The following CACNA2D3 variants were observed in gnomAD, a reference collection of about 807,000 sequenced individuals.
CACNA2D3 encodes voltage-dependent calcium channel subunit alpha-2/delta-3.
In CACNA2D3, 60 loss-of-function variants were observed where a neutral mutation model predicts 160.6. The observed-to-expected ratio is 0.37, with a 90% CI of 0.30 to 0.46. The LOEUF (loss-of-function observed/expected upper bound fraction) is 0.46. CACNA2D3 is among the 20% of genes least tolerant of loss of function. The pLI, the probability that CACNA2D3 is intolerant of heterozygous loss-of-function variation, is 1.00. For synonymous variants in CACNA2D3, 558 were observed against 492.9 expected (o/e 1.13, Z -1.75); for missense variants, 1,205 against 1,365.0 (o/e 0.88, Z 1.85).
At position 54,447,047 on chromosome 3, in the gene CACNA2D3, C is replaced by T. The variant is rs571732992; in HGVS notation, c.382-56445C>T. ...CATAATAGGCACTTTTTTCAGCCAA[C>T]AAAACTGTCCATGTTTTCAAATGTT... On this transcript the variant is annotated intron_variant, in intron 4 of 37. Transcript: ENST00000474759. Among the ~76,000 whole-genome samples the T allele has an allele frequency of 1.6e-4, 25 of 152,278 alleles. 1 individual carries two copies. In the South Asian group the frequency reaches 5.0e-3, roughly 30 times the overall value.
chr3:55,071,038 C>T (rs1189489074), intron 35 of CACNA2D3, among the ~76,000 whole-genome samples: 4 of 152,064 alleles, frequency 2.6e-5, no homozygotes, highest in African/African-American at 9.7e-5. Context: ...ATACTGTGAT[C>T]ATTATGTGAC....
intron 9 of CACNA2D3, among the ~76,000 whole-genome samples, chr3:54,610,314 C>T (rs1698726379): frequency 6.6e-6 from 1 of 152,196 alleles, no homozygotes; most frequent in Admixed American, 6.5e-5. Context: ...GATTGGGATA[C>T]ATGCCTTAAA....
At chr3:54,443,387 G>A (rs900049504) in intron 4 of CACNA2D3, among the ~76,000 whole-genome samples, 7 of 152,154 alleles carry the variant, frequency 4.6e-5, no homozygotes, top group Admixed American at 2.0e-4. Context: ...TTTAGGCAGC[G>A]TCTTAGATTG....
chr3:54,652,477 G>C (rs962171018), intron 11 of CACNA2D3, among the ~76,000 whole-genome samples: 2 of 152,164 alleles, frequency 1.3e-5, no homozygotes, highest in Non-Finnish European at 2.9e-5. Flanking sequence ...CAGAGAATGG[G>C]TAATGGCAGC....
chr3:55,045,471 G>A (rs896244695), intron 35 of CACNA2D3, among the ~76,000 whole-genome samples: 1 of 152,170 alleles, frequency 6.6e-6, no homozygotes, highest in Non-Finnish European at 1.5e-5. Flanking sequence ...TGTCAAATCT[G>A]TACTACTTCT....
intron 13 of CACNA2D3, chr3:54,789,887 A>G (rs761334168): frequency 1.9e-6 from 1 of 516,942 alleles, no homozygotes; most frequent in Non-Finnish European, 3.9e-6. Flanking sequence ...AAGGTGACAC[A>G]GGCTGTTTCA....
Position 54,445,158 on chromosome 3 carries a change from A to T in CACNA2D3, c.382-58334A>T, listed in dbSNP as rs939763117. 2.6e-5 allele frequency among the ~76,000 whole-genome samples: 4 copies of T among 152,330 alleles called. No homozygotes were observed. In the East Asian group the frequency reaches 5.8e-4, roughly 22 times the overall value. ...CTCGGCTCAGGGATATAGGCAGGGG[A>T]TGGGGCTGGGACAACCCCCCTCTAA... is the stretch of plus-strand genomic sequence containing the variant. On this transcript the variant is annotated intron_variant, in intron 4 of 37. Transcript: ENST00000474759.
At chr3:54,294,546 G>A (rs55715726) in intron 2 of CACNA2D3, among the ~76,000 whole-genome samples, 18,639 of 152,180 alleles carry the variant, frequency 0.12, 1,244 homozygotes, top group East Asian at 0.23. Flanking sequence ...CCTTGCCTTT[G>A]TGCATGAAGC....
intron 2 of CACNA2D3, among the ~76,000 whole-genome samples, chr3:54,275,788 TTA>T (rs1454143173): frequency 6.6e-6 from 1 of 151,988 alleles, no homozygotes; most frequent in East Asian, 1.9e-4. Flanking sequence ...TGGCTAATTT[TTA>T]TGTTTTTAGT....
chr3:54,290,748 T>C lies in CACNA2D3; in HGVS notation c.205-29694T>C, dbSNP rs569607762. Among the ~76,000 whole-genome samples the C allele has an allele frequency of 3.8e-3, 584 of 152,174 alleles. 1 individual carries two copies. The highest frequency in any genetic ancestry group is 6.1e-3 in the Non-Finnish European group (416 of 68,018). On this transcript the variant is annotated intron_variant, in intron 2 of 37. Coordinates refer to ENST00000474759, the MANE Select transcript of CACNA2D3 (RefSeq NM_018398.3). ...GCAGCCATAAAAAATGATGAGTTCA[T>C]GTCCTTTGTAGGGACATGGATGAAA... is the stretch of plus-strand genomic sequence containing the variant.
intron 13 of CACNA2D3, among the ~76,000 whole-genome samples, chr3:54,792,210 A>G (rs1334756634): frequency 1.3e-5 from 2 of 152,182 alleles, no homozygotes; most frequent in African/African-American, 2.4e-5. Flanking sequence ...CCTGAGGTCT[A>G]TGTTTGGCCC....
rs537960195 is a variant in CACNA2D3 at position 54,726,944 on chromosome 3, A to T, written c.1168-25655A>T. ...CTAATTAAACTAAAGAGCTTCTGCA[A>T]AGCAAAAGAAACTATCGTCAGAGTG... On this transcript the variant is annotated intron_variant, in intron 11 of 37. Transcript: ENST00000474759. Among the ~76,000 whole-genome samples the T allele has an allele frequency of 5.3e-5, 8 of 152,288 alleles. No homozygotes were observed. In the East Asian group the frequency reaches 1.5e-3, roughly 29 times the overall value.
chr3:54,500,780 C>T (rs1285974465), intron 4 of CACNA2D3, among the ~76,000 whole-genome samples: 1 of 152,008 alleles, frequency 6.6e-6, no homozygotes, highest in Non-Finnish European at 1.5e-5. Context: ...AATTTAAGTC[C>T]ACTTCAAATA....
chr3:54,198,588 A>G (rs1477968692), intron 2 of CACNA2D3, among the ~76,000 whole-genome samples: 2 of 152,244 alleles, frequency 1.3e-5, no homozygotes, highest in Non-Finnish European at 2.9e-5. Context: ...TAGCACATCA[A>G]ATGGCTTTGT....
At chr3:54,895,567 C>T (rs565274502) in intron 25 of CACNA2D3, among the ~76,000 whole-genome samples, 1 of 152,324 alleles carries the variant, frequency 6.6e-6, no homozygotes, top group African/African-American at 2.4e-5. Flanking sequence ...CAACCAGTTA[C>T]AACTTAGCAT....
chr3:54,497,077 G>A (rs1480688238), intron 4 of CACNA2D3, among the ~76,000 whole-genome samples: 1 of 152,018 alleles, frequency 6.6e-6, no homozygotes, highest in African/African-American at 2.4e-5. Context: ...TTTAAAAATT[G>A]TTTTGAAAAT....
chr3:55,017,668 C>T (rs1703355777), intron 34 of CACNA2D3, among the ~76,000 whole-genome samples: 1 of 152,150 alleles, frequency 6.6e-6, no homozygotes, highest in South Asian at 2.1e-4. Flanking sequence ...ATCCACATAC[C>T]AGGGTTATTT....
intron 3 of CACNA2D3, among the ~76,000 whole-genome samples, chr3:54,351,180 G>T (rs1011827249): frequency 2.0e-5 from 3 of 151,346 alleles, no homozygotes; most frequent in East Asian, 3.9e-4. Flanking sequence ...GGGGGTTACC[G>T]CATGTTGGCC....
At chr3:54,795,093 C>T (rs1702840982) in intron 13 of CACNA2D3, among the ~76,000 whole-genome samples, 1 of 151,842 alleles carries the variant, frequency 6.6e-6, no homozygotes, top group Admixed American at 6.6e-5. Context: ...TTTTTTTTCT[C>T]TGTGTGCTTC....
Sources: allele counts gnomAD v4.1 joint callset (sites outside exome capture counted in the v4.1 genomes callset), GRCh38; gene constraint gnomAD v4.1.1; transcripts MANE v1.5; gene names NCBI Gene and HGNC (gene_info 2026-07-23, HGNC 2026-07-21).